ATP10B: variants seen among roughly 807,000 people sequenced by gnomAD.
The protein encoded by ATP10B is ATPase phospholipid transporting 10B (putative), also known as phospholipid-transporting ATPase VB.
In ATP10B, 122 loss-of-function variants were observed where a neutral mutation model predicts 141.2. That is an observed-to-expected ratio of 0.86 (90% CI 0.75 to 1.00). The LOEUF (loss-of-function observed/expected upper bound fraction) is 1.00, where lower values mean the gene tolerates loss of function less well. Ranked by LOEUF, ATP10B falls within the 50% of genes least tolerant of loss-of-function variation. ATP10B has a pLI of 0.00. For missense variants in ATP10B, 1,876 were observed against 1,825.3 expected (o/e 1.03, Z -0.51); for synonymous variants, 685 against 692.0 (o/e 0.99, Z 0.16).
At chr5:160,587,242 G>A (rs1443011925) in intron 24 of ATP10B, among the ~76,000 whole-genome samples, 8 of 152,104 alleles carry the variant, frequency 5.3e-5, no homozygotes, top group Non-Finnish European at 1.2e-4. Flanking sequence ...TTTTTGTCTG[G>A]TTTGTTGAAG....
intron 2 of ATP10B, among the ~76,000 whole-genome samples, chr5:160,727,875 C>T (rs1192756016): frequency 6.6e-6 from 1 of 152,142 alleles, no homozygotes; most frequent in Non-Finnish European, 1.5e-5. Flanking sequence ...TGACTGCCTC[C>T]ACAGATCATT....
At chr5:160,826,661 G>A (rs966472844) in intron 1 of ATP10B, among the ~76,000 whole-genome samples, 1 of 152,120 alleles carries the variant, frequency 6.6e-6, no homozygotes, top group African/African-American at 2.4e-5. Context: ...CTTGCAGAGA[G>A]CCTATAAATG....
At chr5:160,723,923 A>C (rs965667730) in intron 2 of ATP10B, among the ~76,000 whole-genome samples, 1 of 152,204 alleles carries the variant, frequency 6.6e-6, no homozygotes, top group Non-Finnish European at 1.5e-5. Context: ...AATATGGTAC[A>C]TATACACCAT....
At chr5:160,882,712 C>T in the ATP10B span, among the ~76,000 whole-genome samples, 8 of 151,588 alleles carry the variant, frequency 5.3e-5, no homozygotes, top group African/African-American at 1.7e-4. Context: ...AGGTAAATAC[C>T]GTAAAGAAAA....
At chr5:160,812,061 GGAGAGGGA>G (rs1479955605) in intron 1 of ATP10B, among the ~76,000 whole-genome samples, 19 of 114,654 alleles carry the variant, frequency 1.7e-4, no homozygotes, top group African/African-American at 5.7e-4. Flanking sequence ...AGAGAGAGAG[GGAGAGGGA>G]GAGAGATTCC....
chr5:160,920,940 AG>A, the ATP10B span, among the ~76,000 whole-genome samples: 2 of 152,166 alleles, frequency 1.3e-5, no homozygotes, highest in Admixed American at 1.3e-4. Flanking sequence ...GTTTGGTGCT[AG>A]TCTTTTTTCT....
chr5:160,621,160 G>A (rs1364181171), intron 14 of ATP10B, among the ~76,000 whole-genome samples: 1 of 152,154 alleles, frequency 6.6e-6, no homozygotes, highest in Non-Finnish European at 1.5e-5. Flanking sequence ...AAGGAGATGA[G>A]AATCAGAAAC....
intron 9 of ATP10B, 54 bp downstream of exon 9, chr5:160,644,084 G>A (rs1398690267): frequency 7.0e-7 from 1 of 1,431,784 alleles, no homozygotes; most frequent in African/African-American, 1.4e-5. Flanking sequence ...AGATGGATTT[G>A]GAGGGGGAAG....
At chr5:160,865,011 C>T in the ATP10B span, among the ~76,000 whole-genome samples, 7 of 151,938 alleles carry the variant, frequency 4.6e-5, no homozygotes, top group Non-Finnish European at 1.0e-4. Flanking sequence ...AAGCAATCTA[C>T]ACATTCAATG....
At chr5:160,615,727 G>GA (rs1354900876) in intron 17 of ATP10B, 111 bp downstream of exon 17, 13 of 1,390,540 alleles carry the variant, frequency 9.3e-6, no homozygotes, top group Admixed American at 1.9e-5. Flanking sequence ...GGGAACCCCA[G>GA]GGAAGGCTGC....
At chr5:160,748,202 G>C (rs571612274) in intron 2 of ATP10B, among the ~76,000 whole-genome samples, 1 of 152,056 alleles carries the variant, frequency 6.6e-6, no homozygotes, top group Admixed American at 6.6e-5. Flanking sequence ...CCAGGACTTC[G>C]TGTGAATTGG....
chr5:160,578,747 A>T (rs1249423385), intron 24 of ATP10B, among the ~76,000 whole-genome samples: 1 of 152,140 alleles, frequency 6.6e-6, no homozygotes, highest in Admixed American at 6.5e-5. Flanking sequence ...CTGGTTCTAG[A>T]TCCTTGAGGA....
At chr5:160,715,853 G>A (rs1419564185) in intron 3 of ATP10B, among the ~76,000 whole-genome samples, 9 of 152,114 alleles carry the variant, frequency 5.9e-5, no homozygotes, top group Non-Finnish European at 1.0e-4. Flanking sequence ...TGGGATTATA[G>A]GTGCCTACCA....
At chr5:160,819,233 C>G (rs1773920359) in intron 1 of ATP10B, among the ~76,000 whole-genome samples, 1 of 152,044 alleles carries the variant, frequency 6.6e-6, no homozygotes, top group South Asian at 2.1e-4. Context: ...TGGCAGGAGA[C>G]TTTACAGTGG....
At chr5:160,860,133 A>G in the ATP10B span, among the ~76,000 whole-genome samples, 3 of 151,916 alleles carry the variant, frequency 2.0e-5, no homozygotes, top group Admixed American at 6.6e-5. Context: ...TTGTCTGCCC[A>G]GGGTTCTTGA....
At chr5:160,609,359 G>C (rs1757581341) in intron 18 of ATP10B, among the ~76,000 whole-genome samples, 1 of 149,208 alleles carries the variant, frequency 6.7e-6, no homozygotes, top group Admixed American at 6.8e-5. Flanking sequence ...TTCTGTGTGG[G>C]GGAATATGTC....
At chr5:160,839,073 G>A (rs959726831) in intron 1 of ATP10B, among the ~76,000 whole-genome samples, 2 of 152,140 alleles carry the variant, frequency 1.3e-5, no homozygotes, top group African/African-American at 4.8e-5. Context: ...TTGGTGCCAT[G>A]CTTGTACAGC....
chr5:160,683,225 C>T (rs1763542002), intron 6 of ATP10B, among the ~76,000 whole-genome samples: 1 of 152,020 alleles, frequency 6.6e-6, no homozygotes, highest in African/African-American at 2.4e-5. Flanking sequence ...CCAGTGTGCT[C>T]ATAACATTCA....
the ATP10B span, among the ~76,000 whole-genome samples, chr5:160,906,383 G>T: frequency 1.2e-4 from 18 of 152,002 alleles, no homozygotes; most frequent in Middle Eastern, 3.4e-3. Context: ...GTTCTCCTGG[G>T]CCAAAAAGGG....
Sources: allele counts gnomAD v4.1 joint callset (sites outside exome capture counted in the v4.1 genomes callset), GRCh38; gene constraint gnomAD v4.1.1; transcripts MANE v1.5; gene names NCBI Gene and HGNC (gene_info 2026-07-23, HGNC 2026-07-21).